The following CTTNBP2NL variants were observed in gnomAD, a reference collection of about 807,000 sequenced individuals.
CTTNBP2NL encodes CTTNBP2 N-terminal-like protein.
Under a neutral mutation model 32.5 loss-of-function variants are expected in CTTNBP2NL, and 16 were observed. That is an observed-to-expected ratio of 0.49 (90% CI 0.33 to 0.75). The LOEUF (loss-of-function observed/expected upper bound fraction) is 0.75, where lower values mean the gene tolerates loss of function less well. CTTNBP2NL is among the 30% of genes least tolerant of loss of function. CTTNBP2NL has a pLI of 0.02. For synonymous variants in CTTNBP2NL, 298 were observed against 289.4 expected, an observed-to-expected ratio of 1.03 and a Z score of -0.30; for missense variants, 645 against 756.0, an observed-to-expected ratio of 0.85 and a Z score of 1.72.
At chr1:112,410,517 T>C (rs1212604373) in intron 1 of CTTNBP2NL, among the ~76,000 whole-genome samples, 1 of 152,188 alleles carries the variant, frequency 6.6e-6, no homozygotes, top group Non-Finnish European at 1.5e-5. Flanking sequence ...GTGTATTTTT[T>C]ATTGAGAAAA....
At chr1:112,446,458 A>G (rs1380693258) in intron 3 of CTTNBP2NL, among the ~76,000 whole-genome samples, 5 of 152,368 alleles carry the variant, frequency 3.3e-5, no homozygotes, top group Admixed American at 1.3e-4. Context: ...TTAAAGAAAC[A>G]TGGTAAAAGG....
At chr1:112,452,335 C>CTTCTTTT (rs1553227272) in intron 4 of CTTNBP2NL, among the ~76,000 whole-genome samples, 2 of 65,688 alleles carry the variant, frequency 3.0e-5, no homozygotes, top group African/African-American at 1.2e-4. Flanking sequence ...CCAGTCTCTT[C>CTTCTTTT]TTTTTTTTTT....
At position 112,460,910 on chromosome 1, in the gene CTTNBP2NL, T is replaced by C. The variant is rs1650534470; in HGVS notation, c.*3498T>C. 6.6e-6 allele frequency: 1 copy of C among 152,178 alleles called. No individual in the cohort carries two copies. 9.4% of individuals were successfully genotyped at this position (152,178 alleles called of 1,614,324 possible). ...ATTTGTGTGTGTGTGTGTGTATGTG[T>C]GTGTGTGTGTGAATTCATAAGGAGT... On this transcript the variant is annotated 3_prime_UTR_variant, in exon 6 of 6. Coordinates refer to ENST00000271277, the MANE Select transcript of CTTNBP2NL (RefSeq NM_018704.3).
chr1:112,404,084 T>G (rs781695548), intron 1 of CTTNBP2NL, among the ~76,000 whole-genome samples: 1 of 152,210 alleles, frequency 6.6e-6, no homozygotes, highest in African/African-American at 2.4e-5. Context: ...GCTAAAAAAC[T>G]GAAGTTCAAA....
At chr1:112,446,726 T>G (rs1294537157) in intron 3 of CTTNBP2NL, among the ~76,000 whole-genome samples, 1 of 152,130 alleles carries the variant, frequency 6.6e-6, no homozygotes, top group African/African-American at 2.4e-5. Context: ...AATTTTTTGT[T>G]TTTTGTAGAG....
chr1:112,455,471 C>G (rs1172257638), intron 5 of CTTNBP2NL, among the ~76,000 whole-genome samples: 3 of 152,152 alleles, frequency 2.0e-5, no homozygotes, highest in Admixed American at 6.5e-5. Context: ...CCATTGCACT[C>G]CAGCCTGGGA....
chr1:112,457,028 C>G lies in CTTNBP2NL; in HGVS notation c.1536C>G (p.Phe512Leu), dbSNP rs1332506853. The change falls in exon 6 of 6, where the codon TTC becomes TTG. Residue 512 changes from phenylalanine to leucine, a missense_variant. Transcript: ENST00000271277. ...CAGTCACTCAGGTGCTCTCCAGATTCACTAGCCAACAAGGGCCAATCAAGC... is the reference window on the plus strand; with the variant it reads ...CAGTCACTCAGGTGCTCTCCAGATTGACTAGCCAACAAGGGCCAATCAAGC... ...RNTVTQVLSR[F>L]TSQQGPIKPV... is the part of the protein sequence containing the mutation. 3 of 1,614,154 alleles carry G rather than the reference C, an allele frequency of 1.9e-6. No individual in the cohort carries two copies. The highest frequency in any genetic ancestry group is 3.3e-5 in the Admixed American group (2 of 60,030).
chr1:112,396,908 G>T (rs2492505), intron 1 of CTTNBP2NL, among the ~76,000 whole-genome samples: 70,025 of 151,574 alleles, frequency 0.46, 18,698 homozygotes, highest in African/African-American at 0.75. Context: ...TTTTGGGACT[G>T]TTTTGGACTG....
At chr1:112,402,018 A>G (rs1648519003) in intron 1 of CTTNBP2NL, among the ~76,000 whole-genome samples, 1 of 152,038 alleles carries the variant, frequency 6.6e-6, no homozygotes, top group Non-Finnish European at 1.5e-5. Context: ...ACAGACAAAG[A>G]CTCCTGACCG....
intron 1 of CTTNBP2NL, among the ~76,000 whole-genome samples, chr1:112,398,577 A>G (rs2100987903): frequency 6.6e-6 from 1 of 152,224 alleles, no homozygotes; most frequent in African/African-American, 2.4e-5. Context: ...TCTTCATTTA[A>G]CTTGATTTTC....
At chr1:112,406,212 G>T (rs537645622) in intron 1 of CTTNBP2NL, among the ~76,000 whole-genome samples, 19 of 152,032 alleles carry the variant, frequency 1.2e-4, no homozygotes, top group African/African-American at 4.6e-4. Context: ...GCTAGACCTA[G>T]TTCTATTTAA....
chr1:112,434,209 G>C (rs1173283463), intron 3 of CTTNBP2NL, among the ~76,000 whole-genome samples: 2 of 152,158 alleles, frequency 1.3e-5, no homozygotes, highest in African/African-American at 2.4e-5. Context: ...TTAACACCCA[G>C]ATTTGTTATT....
At chr1:112,437,062 A>C (rs1437067062) in intron 3 of CTTNBP2NL, among the ~76,000 whole-genome samples, 2 of 152,044 alleles carry the variant, frequency 1.3e-5, no homozygotes, top group Non-Finnish European at 2.9e-5. Flanking sequence ...ACTTAGGTTG[A>C]TTGTGTCTTT....
rs367732048 is a variant in CTTNBP2NL, at chr1:112,446,213, C to A, written c.100-2729C>A. ...AAAAAAGTGGAAAAAAAAAAAAAAA[C>A]AACATAGCTGGGTGAGGTGGTATGT... On this transcript the variant is annotated intron_variant, in intron 3 of 5. Transcript: ENST00000271277. 2.7e-3 allele frequency among the ~76,000 whole-genome samples: 274 copies of A among 102,786 alleles called. 2 individuals are homozygous for A. Among genetic ancestry groups the A allele is most frequent in the African/African-American group, 9.4e-3 (255 of 27,050 alleles). 67.4% of individuals were successfully genotyped at this position (102,786 alleles called of 152,430 possible). A position where few individuals can be genotyped will look rare whatever the true frequency, so the allele number is the denominator to read the frequency against.
chr1:112,422,613 C>T (rs1027440373), intron 3 of CTTNBP2NL, among the ~76,000 whole-genome samples: 1 of 152,126 alleles, frequency 6.6e-6, no homozygotes, highest in Non-Finnish European at 1.5e-5. Flanking sequence ...CAGATATATC[C>T]AGTTGCTGCA....
chr1:112,392,017 T>TAAATAAATAAATAAATAAAA (rs1311848739), upstream of CTTNBP2NL, among the ~76,000 whole-genome samples: 1 of 150,850 alleles, frequency 6.6e-6, no homozygotes, highest in African/African-American at 2.5e-5. Flanking sequence ...AATAAATAAA[T>TAAATAAATAAATAAATAAAA]AAAATAAGTC....
At position 112,457,331 on chromosome 1, in the gene CTTNBP2NL, A is replaced by C. The variant is rs367767020; in HGVS notation, c.1839A>C (p.Glu613Asp). The change falls in exon 6 of 6, where the codon GAA (glutamate) becomes GAC (aspartate). Residue 613 changes from glutamate to aspartate, a missense_variant. By Grantham distance (45) the Glu-to-Asp change is conservative. Coordinates refer to ENST00000271277, the MANE Select transcript of CTTNBP2NL (RefSeq NM_018704.3). ...HSQAASLTTA[E>D]DLASSCSSNT... is the part of the protein sequence containing the mutation. ...AGGCAGCCTCTTTGACCACTGCAGA[A>C]GACCTTGCCAGCAGCTGCTCTTCCA... 1 of 1,614,076 alleles carries C rather than the reference A, an allele frequency of 6.2e-7. No homozygotes were observed. The highest frequency in any genetic ancestry group is 1.3e-5 in the African/African-American group (1 of 74,942).
At chr1:112,415,512 A>G (rs768878064) in intron 2 of CTTNBP2NL, among the ~76,000 whole-genome samples, 3 of 151,744 alleles carry the variant, frequency 2.0e-5, no homozygotes, top group Non-Finnish European at 4.4e-5. Context: ...TCATTATAAC[A>G]CAATTTTACC....
chr1:112,430,931 C>G (rs562151468), intron 3 of CTTNBP2NL, among the ~76,000 whole-genome samples: 1 of 152,282 alleles, frequency 6.6e-6, no homozygotes, highest in Non-Finnish European at 1.5e-5. Flanking sequence ...TGCTGTATAA[C>G]TTTTTATCAT....
Sources: gnomAD v4.1 joint callset for allele counts (sites outside exome capture counted in the v4.1 genomes callset) on GRCh38, gnomAD v4.1.1 for gene constraint, MANE v1.5 for transcripts, NCBI Gene and HGNC (gene_info 2026-07-23, HGNC 2026-07-21) for gene names.